Variants in HS6ST3 observed in about 807,000 individuals in gnomAD.
The protein encoded by HS6ST3 is heparan sulfate 6-O-sulfotransferase 3.
HS6ST3 carries 12 observed loss-of-function variants against 36.7 expected under a neutral mutation model. The ratio of observed to expected loss-of-function variants is 0.33; its 90% CI spans 0.21 to 0.53. HS6ST3 has a LOEUF of 0.53. HS6ST3 is among the 20% of genes least tolerant of loss of function. The pLI, the probability that HS6ST3 is intolerant of heterozygous loss-of-function variation, is 0.95. For synonymous variants in HS6ST3, 240 were observed against 257.5 expected, an observed-to-expected ratio of 0.93 and a Z score of 0.65; for missense variants, 584 against 640.9, an observed-to-expected ratio of 0.91 and a Z score of 0.96.
At chr13:96,649,334 A>G (rs1377920873) in intron 1 of HS6ST3, among the ~76,000 whole-genome samples, 1 of 152,002 alleles carries the variant, frequency 6.6e-6, no homozygotes, top group Non-Finnish European at 1.5e-5. Flanking sequence ...GAAGCCCATT[A>G]TAAAACCATC....
At chr13:96,355,697 A>G (rs1393925629) in intron 1 of HS6ST3, among the ~76,000 whole-genome samples, 1 of 152,100 alleles carries the variant, frequency 6.6e-6, no homozygotes, top group Non-Finnish European at 1.5e-5. Context: ...CTCAATTTTG[A>G]TGGCTGCTGT....
intron 1 of HS6ST3, among the ~76,000 whole-genome samples, chr13:96,551,501 A>T (rs2056219279): frequency 6.6e-6 from 1 of 152,210 alleles, no homozygotes; most frequent in Non-Finnish European, 1.5e-5. Context: ...AAAGGCATGG[A>T]TCTTGTCCTG....
At chr13:96,657,604 G>T (rs1211674010) in intron 1 of HS6ST3, among the ~76,000 whole-genome samples, 2 of 152,152 alleles carry the variant, frequency 1.3e-5, no homozygotes, top group African/African-American at 4.8e-5. Context: ...GGTTTCAAAT[G>T]CTTTGCTGTG....
intron 1 of HS6ST3, among the ~76,000 whole-genome samples, chr13:96,097,191 G>T (rs1232043272): frequency 1.3e-5 from 2 of 152,082 alleles, no homozygotes; most frequent in Non-Finnish European, 2.9e-5. Context: ...TTGGAATTTT[G>T]ATTGGGTTGA....
intron 1 of HS6ST3, among the ~76,000 whole-genome samples, chr13:96,523,516 T>C (rs2056102003): frequency 6.6e-6 from 1 of 152,204 alleles, no homozygotes; most frequent in African/African-American, 2.4e-5. Flanking sequence ...CAAACATAGA[T>C]TTGGTCTTTT....
intron 1 of HS6ST3, among the ~76,000 whole-genome samples, chr13:96,551,387 A>C (rs1259190278): frequency 1.3e-5 from 2 of 152,110 alleles, no homozygotes; most frequent in Non-Finnish European, 2.9e-5. Context: ...AGCTCCCTTG[A>C]GGAGGTCATA....
intron 1 of HS6ST3, among the ~76,000 whole-genome samples, chr13:96,418,099 G>A (rs1269404481): frequency 6.6e-6 from 1 of 151,980 alleles, no homozygotes; most frequent in Admixed American, 6.6e-5. Context: ...GGACTACCGG[G>A]CACCCTGTCA....
In HS6ST3 at chr13:96,510,798, C is replaced by T. The variant is rs550391152; in HGVS notation, c.708-321692C>T. Among the ~76,000 whole-genome samples the T allele has an allele frequency of 1.4e-4, 22 of 152,236 alleles. 1 individual carries two copies. In the South Asian group the frequency reaches 2.3e-3, roughly 16 times the overall value. On this transcript the variant is annotated intron_variant, in intron 1 of 1. Transcript: ENST00000376705. Reference sequence around the variant, plus strand: ...TCAGCCCCACAGATAAGCATTCTAACGTGTTTGATGTATATCTCATGCATT... The same window carrying T: ...TCAGCCCCACAGATAAGCATTCTAATGTGTTTGATGTATATCTCATGCATT...
At chr13:96,424,764 C>T (rs1330650225) in intron 1 of HS6ST3, among the ~76,000 whole-genome samples, 1 of 152,118 alleles carries the variant, frequency 6.6e-6, no homozygotes, top group Admixed American at 6.5e-5. Context: ...TTACACTGCA[C>T]ATTAGGAATT....
intron 1 of HS6ST3, among the ~76,000 whole-genome samples, chr13:96,097,062 T>G (rs2053794726): frequency 6.6e-6 from 1 of 152,206 alleles, no homozygotes; most frequent in Non-Finnish European, 1.5e-5. Context: ...CAATATTTGC[T>G]ATAAATCAGA....
rs745589972 is a variant in HS6ST3, at chr13:96,802,588, G to C, written c.708-29902G>C. ...GGTCTGTGACTGCTCTGTGTAAAGC[G>C]TCCAATTCTTCAAGATGTACTGAGA... On this transcript the variant is annotated intron_variant, in intron 1 of 1. Coordinates refer to ENST00000376705, the MANE Select transcript of HS6ST3 (RefSeq NM_153456.4). Among the ~76,000 whole-genome samples, 4 of 152,116 alleles carry C rather than the reference G, an allele frequency of 2.6e-5. No homozygotes were observed. In the East Asian group the frequency reaches 5.8e-4, roughly 22 times the overall value.
chr13:96,186,629 G>A (rs2054266130), intron 1 of HS6ST3, among the ~76,000 whole-genome samples: 1 of 152,148 alleles, frequency 6.6e-6, no homozygotes, highest in Non-Finnish European at 1.5e-5. Context: ...CAAGTAAATT[G>A]TGTACATCAG....
chr13:96,187,398 G>C (rs1320247744), intron 1 of HS6ST3, among the ~76,000 whole-genome samples: 2 of 152,156 alleles, frequency 1.3e-5, no homozygotes, highest in African/African-American at 4.8e-5. Flanking sequence ...TTGTTGCCAG[G>C]AAGGTAAGGC....
At chr13:96,410,127 C>T (rs1257269808) in intron 1 of HS6ST3, among the ~76,000 whole-genome samples, 1 of 152,014 alleles carries the variant, frequency 6.6e-6, no homozygotes, top group Non-Finnish European at 1.5e-5. Flanking sequence ...ATAGTTTTGA[C>T]TACGCAAATA....
chr13:96,090,945 CCTCCTGCACCAG>C lies in HS6ST3; in HGVS notation c.95_106del (p.Ser32_Thr35del). The C allele has an allele frequency of 3.4e-6, 5 of 1,467,338 alleles. No homozygotes were observed. The highest frequency in any genetic ancestry group is 2.7e-5 in the South Asian group (2 of 72,790). 90.9% of individuals were successfully genotyped at this position (1,467,338 alleles called of 1,614,324 possible). Reference sequence around the variant, plus strand: ...GTCATCATGTACCAGTACGTGTCCCCCTCCTGCACCAGCTCCTGCACCAACTTCGGGGAGCAG... The same window carrying C: ...GTCATCATGTACCAGTACGTGTCCCCCTCCTGCACCAACTTCGGGGAGCAG... On this transcript the variant is annotated inframe_deletion, in exon 1 of 2. Transcript: ENST00000376705.
At chr13:96,599,882 T>G (rs561015133) in intron 1 of HS6ST3, among the ~76,000 whole-genome samples, 1 of 152,268 alleles carries the variant, frequency 6.6e-6, no homozygotes, top group South Asian at 2.1e-4. Context: ...CTGATTTCAT[T>G]GTTGACCCAG....
At chr13:96,384,816 C>A (rs555010280) in intron 1 of HS6ST3, among the ~76,000 whole-genome samples, 6 of 152,164 alleles carry the variant, frequency 3.9e-5, no homozygotes, top group Non-Finnish European at 8.8e-5. Flanking sequence ...AGTTAACAAT[C>A]TTGTTGTATA....
intron 1 of HS6ST3, among the ~76,000 whole-genome samples, chr13:96,656,998 T>TGAGAGAGAGA (rs1179705458): frequency 7.1e-5 from 7 of 98,340 alleles, no homozygotes; most frequent in African/African-American, 2.6e-4. Flanking sequence ...TGTGTGTGTG[T>TGAGAGAGAGA]GAGAGAGAGA....
At chr13:96,236,496 C>T (rs919415674) in intron 1 of HS6ST3, among the ~76,000 whole-genome samples, 7 of 152,104 alleles carry the variant, frequency 4.6e-5, no homozygotes, top group Non-Finnish European at 1.0e-4. Context: ...CTTCACTTTC[C>T]TCCATACTCA....
Sources: gnomAD v4.1 joint callset for allele counts (sites outside exome capture counted in the v4.1 genomes callset) on GRCh38, gnomAD v4.1.1 for gene constraint, MANE v1.5 for transcripts, NCBI Gene and HGNC (gene_info 2026-07-23, HGNC 2026-07-21) for gene names.